Variants in ANKS1B observed in about 807,000 individuals in gnomAD.
The protein encoded by ANKS1B is ankyrin repeat and sterile alpha motif domain containing 1B, also known as ankyrin repeat and sterile alpha motif domain-containing protein 1B.
Under a neutral mutation model 148.3 loss-of-function variants are expected in ANKS1B, and 36 were observed. The ratio of observed to expected loss-of-function variants is 0.24; its 90% confidence interval spans 0.19 to 0.32. ANKS1B has a LOEUF of 0.32. Among genes scored for constraint, ANKS1B ranks in the 10% least tolerant of loss-of-function variants. ANKS1B has a pLI of 1.00. For synonymous variants in ANKS1B, 542 were observed against 560.8 expected (o/e 0.97, Z 0.47); for missense variants, 1,157 against 1,542.6 (o/e 0.75, Z 4.19).
At chr12:99,465,842 T>A (rs996676171) in intron 10 of ANKS1B, among the ~76,000 whole-genome samples, 5 of 152,114 alleles carry the variant, frequency 3.3e-5, no homozygotes, top group Non-Finnish European at 7.4e-5. Flanking sequence ...ACAATAATAA[T>A]GGGAGACTAT....
intron 15 of ANKS1B, among the ~76,000 whole-genome samples, chr12:99,106,415 G>T (rs1249984833): frequency 6.6e-6 from 1 of 152,184 alleles, no homozygotes; most frequent in African/African-American, 2.4e-5. Flanking sequence ...ACACTTGAGT[G>T]GCCTACAGCC....
At chr12:99,171,883 A>G (rs1033886547) in intron 14 of ANKS1B, among the ~76,000 whole-genome samples, 1 of 152,248 alleles carries the variant, frequency 6.6e-6, no homozygotes, top group East Asian at 1.9e-4. Context: ...AGGACCAGGG[A>G]GGAAAGGGAA....
chr12:99,014,533 T>C (rs2099941287), intron 17 of ANKS1B, among the ~76,000 whole-genome samples: 2 of 152,208 alleles, frequency 1.3e-5, no homozygotes, highest in South Asian at 4.1e-4. Context: ...GGGGACAATT[T>C]AAGCTAAAGA....
intron 9 of ANKS1B, among the ~76,000 whole-genome samples, chr12:99,518,573 C>A (rs1167615484): frequency 6.6e-6 from 1 of 151,934 alleles, no homozygotes; most frequent in Non-Finnish European, 1.5e-5. Context: ...TTTTTCATCT[C>A]TGAATTTATT....
chr12:99,899,702 C>T (rs1603446687), intron 1 of ANKS1B, among the ~76,000 whole-genome samples: 4 of 152,142 alleles, frequency 2.6e-5, no homozygotes, highest in South Asian at 2.1e-4. Flanking sequence ...GTAGACAATA[C>T]AAAGCAGCTA....
At chr12:99,542,352 A>AAAATCT (rs1283670828) in intron 9 of ANKS1B, among the ~76,000 whole-genome samples, 1 of 151,532 alleles carries the variant, frequency 6.6e-6, no homozygotes, top group African/African-American at 2.4e-5. Context: ...CTTCACAAAA[A>AAAATCT]AAATCTAAGA....
At chr12:99,771,377 A>T (rs999347970) in intron 8 of ANKS1B, among the ~76,000 whole-genome samples, 2 of 152,104 alleles carry the variant, frequency 1.3e-5, no homozygotes, top group Non-Finnish European at 2.9e-5. Flanking sequence ...GGTCTAAAAA[A>T]TTAGGGCTTT....
chr12:99,533,950 T>A (rs2097031839), intron 9 of ANKS1B, among the ~76,000 whole-genome samples: 1 of 152,212 alleles, frequency 6.6e-6, no homozygotes, highest in South Asian at 2.1e-4. Flanking sequence ...GAGAAAAACT[T>A]GAATGGCCTC....
intron 8 of ANKS1B, among the ~76,000 whole-genome samples, chr12:99,734,575 T>C (rs2059450241): frequency 6.6e-6 from 1 of 152,330 alleles, no homozygotes; most frequent in Admixed American, 6.5e-5. Flanking sequence ...ATTACAAGCA[T>C]GAGCCACCAT....
chr12:98,828,829 C>A (rs1321138880), intron 19 of ANKS1B, among the ~76,000 whole-genome samples: 1 of 152,192 alleles, frequency 6.6e-6, no homozygotes, highest in Admixed American at 6.5e-5. Flanking sequence ...GCCCCATTAT[C>A]CAACCAATTT....
At chr12:99,039,105 A>G (rs2099957316) in intron 17 of ANKS1B, among the ~76,000 whole-genome samples, 1 of 152,240 alleles carries the variant, frequency 6.6e-6, no homozygotes, top group South Asian at 2.1e-4. Context: ...TTCATTCAAT[A>G]TAAATACTAC....
intron 1 of ANKS1B, among the ~76,000 whole-genome samples, chr12:99,928,327 G>A (rs1241660626): frequency 3.6e-4 from 53 of 148,198 alleles, no homozygotes; most frequent in Non-Finnish European, 1.6e-4. Flanking sequence ...GCCGGACTGC[G>A]GACTGCAGTG....
intron 10 of ANKS1B, among the ~76,000 whole-genome samples, chr12:99,475,828 A>G (rs949530622): frequency 3.9e-5 from 6 of 152,056 alleles, no homozygotes; most frequent in African/African-American, 1.2e-4. Flanking sequence ...ATAGAATTTT[A>G]TAAATAACAA....
At chr12:99,629,656 A>T (rs892568011) in intron 9 of ANKS1B, among the ~76,000 whole-genome samples, 7 of 152,154 alleles carry the variant, frequency 4.6e-5, no homozygotes, top group Non-Finnish European at 8.8e-5. Flanking sequence ...TAAAGCTGGG[A>T]CTTTATAGAA....
At chr12:99,501,563 C>T (rs1293809955) in intron 10 of ANKS1B, among the ~76,000 whole-genome samples, 1 of 152,138 alleles carries the variant, frequency 6.6e-6, no homozygotes, top group Admixed American at 6.5e-5. Flanking sequence ...CACAAAAAAT[C>T]ATCTTTCCTT....
chr12:99,406,650 G>T (rs2094538668), intron 11 of ANKS1B, among the ~76,000 whole-genome samples: 1 of 145,152 alleles, frequency 6.9e-6, no homozygotes, highest in South Asian at 2.1e-4. Flanking sequence ...AAAGTTAGAA[G>T]AAAAGAAATA....
rs1039355421 is a variant in ANKS1B at position 98,916,216 on chromosome 12, G to A, written c.2779-84080C>T. 2.6e-5 allele frequency among the ~76,000 whole-genome samples: 4 copies of A among 152,276 alleles called. 1 individual carries two copies. In the South Asian group the frequency reaches 8.3e-4, roughly 32 times the overall value. On this transcript the variant is annotated intron_variant, in intron 17 of 26. Coordinates refer to ENST00000683438, the MANE Select transcript of ANKS1B (RefSeq NM_001352186.2). ...TCACTGCTGAGCTACTGAGCTACAG[G>A]GAGCAATCCAAGGTTTAGAACAGAC...
At chr12:99,448,230 AAAATGTAATAT>A (rs1307860698) in intron 10 of ANKS1B, among the ~76,000 whole-genome samples, 1 of 152,134 alleles carries the variant, frequency 6.6e-6, no homozygotes, top group African/African-American at 2.4e-5. Flanking sequence ...AAATGGAAAG[AAAATGTAATAT>A]ATACATACAG....
chr12:99,011,895 A>AGTGG (rs1323897613), intron 17 of ANKS1B, among the ~76,000 whole-genome samples: 2 of 152,342 alleles, frequency 1.3e-5, no homozygotes, highest in South Asian at 2.1e-4. Flanking sequence ...TGCTTGTGGA[A>AGTGG]GTGGGAGTCA....
Sources: gnomAD v4.1 joint callset for allele counts (sites outside exome capture counted in the v4.1 genomes callset) on GRCh38, gnomAD v4.1.1 for gene constraint, MANE v1.5 for transcripts, NCBI Gene and HGNC (gene_info 2026-07-23, HGNC 2026-07-21) for gene names.